Variants in FAM186A observed in about 807,000 individuals in gnomAD.
FAM186A encodes protein FAM186A.
FAM186A carries 163 observed loss-of-function variants against 216.8 expected under a neutral mutation model. The ratio of observed to expected loss-of-function variants is 0.75; its 90% confidence interval spans 0.66 to 0.86. The LOEUF (loss-of-function observed/expected upper bound fraction) is 0.86. Ranked by LOEUF, FAM186A falls within the 40% of genes least tolerant of loss-of-function variation. The pLI is 0.00. For synonymous variants in FAM186A, 805 were observed against 1,025.3 expected (o/e 0.79, Z 4.10); for missense variants, 2,184 against 2,746.2 (o/e 0.80, Z 4.58).
chr12:50,374,909 G>A (rs929661841), intron 1 of FAM186A, among the ~76,000 whole-genome samples: 1 of 152,242 alleles, frequency 6.6e-6, no homozygotes, highest in Non-Finnish European at 1.5e-5. Context: ...CAGGAGCAGT[G>A]TCTCACACCT....
chr12:50,342,841 A>T (rs1942778517), intron 4 of FAM186A, among the ~76,000 whole-genome samples: 1 of 151,184 alleles, frequency 6.6e-6, no homozygotes, highest in African/African-American at 2.4e-5. Flanking sequence ...ACACGATCAT[A>T]ACTCATCACA....
chr12:50,378,224 C>CAA (rs71083550), intron 1 of FAM186A, among the ~76,000 whole-genome samples: 7 of 145,086 alleles, frequency 4.8e-5, no homozygotes, highest in African/African-American at 1.8e-4. Context: ...AACTCCATCT[C>CAA]AAAAAAAAAA....
intron 1 of FAM186A, among the ~76,000 whole-genome samples, chr12:50,371,788 A>G (rs1198665257): frequency 1.3e-5 from 2 of 152,164 alleles, no homozygotes; most frequent in Admixed American, 6.6e-5. Flanking sequence ...TAATTAAGGC[A>G]GTAAATTTTA....
intron 1 of FAM186A, among the ~76,000 whole-genome samples, chr12:50,372,922 AAAG>A (rs1410147648): frequency 6.8e-6 from 1 of 147,208 alleles, no homozygotes; most frequent in Non-Finnish European, 1.5e-5. Context: ...AAAAAAGAAA[AAAG>A]AAAGAAAGAA....
intron 4 of FAM186A, among the ~76,000 whole-genome samples, chr12:50,341,907 A>G (rs1347851134): frequency 6.6e-6 from 1 of 152,186 alleles, no homozygotes; most frequent in East Asian, 1.9e-4. Context: ...GTGTAATATC[A>G]TAGGGGAAAT....
rs938563633 is a variant in FAM186A at position 50,374,588 on chromosome 12, C to T, written c.193-11224G>A. 1.2e-4 allele frequency among the ~76,000 whole-genome samples: 18 copies of T among 152,222 alleles called. 1 individual carries two copies. The highest frequency in any genetic ancestry group is 3.3e-4 in the Admixed American group (5 of 15,280). The stretch of plus-strand genomic sequence containing the variant: ...TACAGAAAAAGAAGTTGACAAAATT[C>T]AACATTCATTCATGATTTCTAAAAG... On this transcript the variant is annotated intron_variant, in intron 1 of 7. Transcript: ENST00000327337.
rs577505061 is a variant in FAM186A at position 50,355,741 on chromosome 12, A to G, written c.1091T>C (p.Ile364Thr). The part of the protein sequence containing the change: ...PGPSPQSSRA[I>T]IKVGDTEDNM... Reference sequence around the variant, plus strand: ...GTCCTCAGTATCACCAACTTTGATTATCGCCCTGGATGACTGTGGAGAAGG... The same window carrying G: ...GTCCTCAGTATCACCAACTTTGATTGTCGCCCTGGATGACTGTGGAGAAGG... Residue 364 changes from isoleucine to threonine, a missense_variant, in exon 4 of 8, where the codon ATA becomes ACA. Coordinates refer to ENST00000327337, the MANE Select transcript of FAM186A (RefSeq NM_001145475.3). 5.2e-6 allele frequency: 8 copies of G among 1,551,570 alleles called. No individual in the cohort carries two copies. Among genetic ancestry groups the G allele is most frequent in the Non-Finnish European group, 7.0e-6 (8 of 1,147,004 alleles).
chr12:50,379,946 T>C (rs1592631073), intron 1 of FAM186A, among the ~76,000 whole-genome samples: 1 of 118,204 alleles, frequency 8.5e-6, no homozygotes, highest in South Asian at 3.3e-4. Context: ...ACATATAGGG[T>C]GTATGTGGGG....
intron 1 of FAM186A, among the ~76,000 whole-genome samples, chr12:50,375,716 CA>C (rs1188382834): frequency 8.9e-5 from 10 of 112,848 alleles, no homozygotes; most frequent in Non-Finnish European, 1.3e-4. Flanking sequence ...GACTCCATCT[CA>C]AAAAAAAAAA....
chr12:50,383,249 TAAAAAAAAAAAAAA>T (rs1167515309), intron 1 of FAM186A, among the ~76,000 whole-genome samples: 6 of 10,364 alleles, frequency 5.8e-4, no homozygotes, highest in East Asian at 3.0e-3. Context: ...AGACTCCGTC[TAAAAAAAAAAAAAA>T]AAAAAAAAAA....
At chr12:50,376,525 G>A (rs184051076) in intron 1 of FAM186A, among the ~76,000 whole-genome samples, 18 of 152,236 alleles carry the variant, frequency 1.2e-4, no homozygotes, top group Non-Finnish European at 2.5e-4. Flanking sequence ...TCTGCAGGCA[G>A]GTAGTCCCTA....
At chr12:50,384,421 T>A (rs1467405764) in intron 1 of FAM186A, among the ~76,000 whole-genome samples, 2 of 151,966 alleles carry the variant, frequency 1.3e-5, no homozygotes, top group Non-Finnish European at 2.9e-5. Flanking sequence ...CCAGACCATG[T>A]CTCTAAACAA....
chr12:50,333,548 A>G (rs947242725), intron 5 of FAM186A, among the ~76,000 whole-genome samples: 1 of 151,916 alleles, frequency 6.6e-6, no homozygotes, highest in African/African-American at 2.4e-5. Flanking sequence ...AAACAAAGCA[A>G]AACAAAAAAA....
chr12:50,365,232 T>A (rs758174803), intron 1 of FAM186A, among the ~76,000 whole-genome samples: 10 of 152,144 alleles, frequency 6.6e-5, no homozygotes, highest in Non-Finnish European at 1.5e-4. Context: ...TTAGTGCCAG[T>A]ACAATAAAAC....
intron 2 of FAM186A, 106 bp downstream of exon 2, chr12:50,363,039 G>T (rs1943051294): frequency 2.1e-6 from 2 of 964,728 alleles, no homozygotes; most frequent in Non-Finnish European, 3.0e-6. Context: ...AACCTCCTTA[G>T]TCTTTTCTTC....
In FAM186A at chr12:50,350,211, T is replaced by C. The variant is rs1024218018; in HGVS notation, c.6503+118A>G. ...AAGCTTCCTTCCCATAGACCTTATATAAGGCAGTCCTTTAGAACATATGGC... is the reference window on the plus strand; with the variant it reads ...AAGCTTCCTTCCCATAGACCTTATACAAGGCAGTCCTTTAGAACATATGGC... On this transcript the variant is annotated intron_variant, in intron 4 of 7. Transcript: ENST00000327337. 34 of 927,552 alleles carry C rather than the reference T, an allele frequency of 3.7e-5. No individual in the cohort carries two copies. The Middle Eastern group carries it at 1.9e-3, about 53-fold the overall frequency. The allele number at this position is 927,552 out of a possible 1,614,324, so 57.5% of individuals were successfully genotyped here.
chr12:50,368,081 G>T (rs868122433), intron 1 of FAM186A, among the ~76,000 whole-genome samples: 58 of 151,132 alleles, frequency 3.8e-4, no homozygotes, highest in African/African-American at 1.3e-3. Flanking sequence ...GGAGGCAGAG[G>T]TTGCAGTGAG....
chr12:50,329,662 A>G (rs754853582), intron 7 of FAM186A, among the ~76,000 whole-genome samples: 10 of 151,862 alleles, frequency 6.6e-5, no homozygotes, highest in Non-Finnish European at 1.5e-4. Flanking sequence ...CAGTGGCACA[A>G]TCTGGGCTCA....
At chr12:50,386,705 C>T (rs1447989783) in intron 1 of FAM186A, among the ~76,000 whole-genome samples, 1 of 151,034 alleles carries the variant, frequency 6.6e-6, no homozygotes, top group Non-Finnish European at 1.5e-5. Context: ...GCTAAAAATA[C>T]AAAAATTATC....
Sources: gnomAD v4.1 joint callset for allele counts (sites outside exome capture counted in the v4.1 genomes callset) on GRCh38, gnomAD v4.1.1 for gene constraint, MANE v1.5 for transcripts, NCBI Gene and HGNC (gene_info 2026-07-23, HGNC 2026-07-21) for gene names.